The following DGKA variants were observed in gnomAD, a reference collection of about 807,000 sequenced individuals.
DGKA encodes the protein diacylglycerol kinase alpha.
DGKA carries 35 observed loss-of-function variants against 105.0 expected under a neutral mutation model. That is an observed-to-expected ratio of 0.33 (90% CI 0.25 to 0.44). DGKA has a LOEUF of 0.44. DGKA is among the 20% of genes least tolerant of loss of function. The pLI is 1.00. For missense variants in DGKA, 665 were observed against 915.0 expected (o/e 0.73, Z 3.53); for synonymous variants, 296 against 332.0 (o/e 0.89, Z 1.18).
At chr12:55,931,476 G>A (rs538083875) in intron 1 of DGKA, 132 bp downstream of exon 1, 1 of 152,438 alleles carries the variant, frequency 6.6e-6, no homozygotes, top group Non-Finnish European at 1.5e-5. Context: ...AGGTCTAAAA[G>A]GAAAGAGGAA....
rs1322187594 is a variant in DGKA, at chr12:55,932,921, T to G, written c.-82+1577T>G. 1 of 243,712 alleles carries G rather than the reference T, an allele frequency of 4.1e-6. No homozygotes were observed. Among genetic ancestry groups the G allele is most frequent in the Non-Finnish European group, 8.0e-6 (1 of 125,316 alleles). The allele number at this position is 243,712 out of a possible 1,614,324, so 15.1% of individuals were successfully genotyped here. A position where few individuals can be genotyped will look rare whatever the true frequency, so the allele number is the denominator to read the frequency against. On this transcript the variant is annotated intron_variant, in intron 1 of 23. Coordinates refer to ENST00000331886, the MANE Select transcript of DGKA (RefSeq NM_001345.5). This position sits in a 1 kb window ranked among gnomAD's most constrained non-coding sequence, Gnocchi z 4.3. ...ATTCAGAAGTCCAGGTAATCAGGCCTGGGCCCTCAAATTCGGGGCTCCTGC... is the reference window on the plus strand; with the variant it reads ...ATTCAGAAGTCCAGGTAATCAGGCCGGGGCCCTCAAATTCGGGGCTCCTGC...
rs368762006 is a variant in DGKA, at chr12:55,940,615, G to A, written c.919-9G>A. On this transcript the variant is annotated splice_polypyrimidine_tract_variant and intron_variant, in intron 11 of 23. Coordinates refer to ENST00000331886, the MANE Select transcript of DGKA (RefSeq NM_001345.5). This position sits in a 1 kb window ranked among gnomAD's most constrained non-coding sequence, Gnocchi z 4.3. ...TTCGTGATCTCTCTGTGCCCACCTCGTCTTTCAGATCCACGATGACTGCCT... is the reference window on the plus strand; with the variant it reads ...TTCGTGATCTCTCTGTGCCCACCTCATCTTTCAGATCCACGATGACTGCCT... The A allele has an allele frequency of 7.0e-6, 11 of 1,571,362 alleles. No individual in the cohort carries two copies. The African/African-American group carries it at 1.1e-4, about 16-fold the overall frequency.
Position 55,937,083 on chromosome 12 carries a change from A to T in DGKA, c.131A>T (p.Gln44Leu). The change falls in exon 3 of 24, where the codon CAA becomes CTA. Residue 44 changes from glutamine (Q) to leucine (L), a missense_variant. Physicochemically the swap from Gln to Leu is moderately radical, Grantham distance 113 (BLOSUM62 -2). This residue lies in a region of DGKA where 504 missense variants were observed against 681.2 expected (regional missense o/e 0.74). Coordinates refer to ENST00000331886, the MANE Select transcript of DGKA (RefSeq NM_001345.5). ...FEDGEMAKYVQGDAIGYEGFQ... is the reference protein window; with the variant it reads ...FEDGEMAKYVLGDAIGYEGFQ... Reference sequence around the variant, plus strand: ...GATGGCGAGATGGCTAAATATGTCCAAGGAGATGTGAGTGGCAGCTGGGAA... The same window carrying T: ...GATGGCGAGATGGCTAAATATGTCCTAGGAGATGTGAGTGGCAGCTGGGAA... 1.2e-6 allele frequency: 2 copies of T among 1,614,134 alleles called. No individual in the cohort carries two copies. The highest frequency in any genetic ancestry group is 1.7e-6 in the Non-Finnish European group (2 of 1,180,008).
chr12:55,937,507 A>G lies in DGKA; in HGVS notation c.238A>G (p.Thr80Ala). 6.2e-7 allele frequency: 1 copy of G among 1,614,180 alleles called. No homozygotes were observed. The highest frequency in any genetic ancestry group is 8.5e-7 in the Non-Finnish European group (1 of 1,180,036). Residue 80 changes from threonine (T) to alanine (A), a missense_variant, in exon 4 of 24, where the codon ACT becomes GCT. Thr to Ala is a moderately conservative substitution (Grantham distance 58). Coordinates refer to ENST00000331886, the MANE Select transcript of DGKA (RefSeq NM_001345.5). ...LSLALFQSFE[T>A]GHCLNETNVT... ...CCTGGCACTGTTTCAATCCTTTGAG[A>G]CTGGTCACTGCTTAAATGAGACAAA...
Position 55,939,427 on chromosome 12 carries a change from G to A in DGKA, c.607G>A (p.Asp203Asn), listed in dbSNP as rs886771397. Residue 203 changes from aspartate to asparagine, a missense_variant, in exon 9 of 24, where the codon GAC becomes AAC. Asp to Asn is a conservative substitution (Grantham distance 23). This residue lies in a region of DGKA where 504 missense variants were observed against 681.2 expected (regional missense o/e 0.74). Transcript: ENST00000331886. ...TGTGCCTTCCTAGACTCTGAAGGAC[G>A]ACGGACAGCACATGTGGAGGCCCAA... is the stretch of plus-strand genomic sequence containing the variant. ...LLGLEMTLKD[D>N]GQHMWRPKRF... 8 of 1,614,184 alleles carry A rather than the reference G, an allele frequency of 5.0e-6. No individual in the cohort carries two copies. Among genetic ancestry groups the A allele is most frequent in the Admixed American group, 1.7e-5 (1 of 60,018 alleles).
At chr12:55,942,479 C>T (rs1161357799) in intron 17 of DGKA, 2 of 521,276 alleles carry the variant, frequency 3.8e-6, no homozygotes, top group Non-Finnish European at 7.0e-6. Flanking sequence ...GTGATAGTCC[C>T]CTTTCCTGTA....
rs1335840102 is a variant in DGKA at position 55,953,840 on chromosome 12, T to C, written c.*72T>C. ...TCCCTGGACTCTACTCCCGAGGCTCTGTACATTGCTGCCACATACTCCTGC... is the reference window on the plus strand; with the variant it reads ...TCCCTGGACTCTACTCCCGAGGCTCCGTACATTGCTGCCACATACTCCTGC... On this transcript the variant is annotated 3_prime_UTR_variant, in exon 24 of 24. Coordinates refer to ENST00000331886, the MANE Select transcript of DGKA (RefSeq NM_001345.5). 2.2e-6 allele frequency: 3 copies of C among 1,351,608 alleles called. No homozygotes were observed. The highest frequency in any genetic ancestry group is 3.2e-6 in the Non-Finnish European group (3 of 950,140). 83.7% of individuals were successfully genotyped at this position (1,351,608 alleles called of 1,614,324 possible). A position where few individuals can be genotyped will look rare whatever the true frequency, so the allele number is the denominator to read the frequency against.
At chr12:55,927,522 G>A (rs1014645139), upstream of DGKA, 4 of 697,766 alleles carry the variant, frequency 5.7e-6, no homozygotes, top group Non-Finnish European at 9.7e-6. Flanking sequence ...CCAGATCTCA[G>A]AGCGGCTTGG....
At chr12:55,933,374 G>T (rs1445855538) in intron 1 of DGKA, 3 of 152,166 alleles carry the variant, frequency 2.0e-5, no homozygotes, top group Non-Finnish European at 4.4e-5. Flanking sequence ...GGAAGGGAAG[G>T]GTGAGTCACA....
upstream of DGKA, chr12:55,927,718 C>A: frequency 6.5e-7 from 1 of 1,539,712 alleles, no homozygotes; most frequent in Non-Finnish European, 8.7e-7. Flanking sequence ...CGCCGCGGGT[C>A]GGTCACCTGT....
chr12:55,936,398 T>G, intron 1 of DGKA, 25 bp from the exon 2 acceptor site: 1 of 1,501,770 alleles, frequency 6.7e-7, no homozygotes, highest in Admixed American at 2.3e-5. Flanking sequence ...CTCTTCCCAC[T>G]GTACGCTCTG....
chr12:55,934,747 C>T (rs77214884), intron 1 of DGKA, among the ~76,000 whole-genome samples: 2,478 of 152,334 alleles, frequency 0.016, 76 homozygotes, highest in African/African-American at 0.056. Flanking sequence ...TTTCCTCTGA[C>T]TGTCAGGTGG....
Position 55,952,338 on chromosome 12 carries a change from C to T in DGKA, c.1653-3C>T. ...ACTGGGCCTTGTGTTGGGGCTGACACAGAATGAAGAACAAGCTATGGTACT... is the reference window on the plus strand; with the variant it reads ...ACTGGGCCTTGTGTTGGGGCTGACATAGAATGAAGAACAAGCTATGGTACT... On this transcript the variant is annotated splice_polypyrimidine_tract_variant and splice_region_variant and intron_variant, in intron 19 of 23. Transcript: ENST00000331886. The surrounding 1 kb of genome is among the most constrained non-coding windows in gnomAD (Gnocchi z 5.1). 6.2e-7 allele frequency: 1 copy of T among 1,614,090 alleles called. No individual in the cohort carries two copies.
At chr12:55,948,081 A>G in intron 17 of DGKA, among the ~76,000 whole-genome samples, 1 of 150,574 alleles carries the variant, frequency 6.6e-6, no homozygotes, top group East Asian at 2.0e-4. Flanking sequence ...GTGAGCCACC[A>G]TACCCAGCCG....
chr12:55,935,998 G>T (rs115323087), intron 1 of DGKA: 1 of 989,226 alleles, frequency 1.0e-6, no homozygotes, highest in East Asian at 1.1e-4. Flanking sequence ...CGGAACTGCC[G>T]AAGACCCGAG....
In DGKA at chr12:55,941,567, G is replaced by T. The variant is rs1311513947; in HGVS notation, c.1233G>T (p.Lys411Asn). Residue 411 changes from lysine (K) to asparagine (N), a missense_variant, in exon 15 of 24, where the codon AAG becomes AAT. Lys to Asn is a moderately conservative substitution (Grantham distance 94). Around this residue, in one of 3 missense-constraint regions of DGKA, gnomAD observed 504 missense variants for 681.2 expected, o/e 0.74. Coordinates refer to ENST00000331886, the MANE Select transcript of DGKA (RefSeq NM_001345.5). ...CTCGACAGGTGTTCAACCTCCTAAA[G>T]GATGGTCCTGAGATAGGGTGAGCAC... ...LNPRQVFNLL[K>N]DGPEIGLRLF... The T allele has an allele frequency of 6.2e-7, 1 of 1,614,142 alleles. No individual in the cohort carries two copies. The highest frequency in any genetic ancestry group is 1.6e-4 in the Middle Eastern group (1 of 6,062).
chr12:55,940,511 C>A lies in DGKA; in HGVS notation c.918+78C>A. On this transcript the variant is annotated intron_variant, in intron 11 of 23. Transcript: ENST00000331886. This position sits in a 1 kb window ranked among gnomAD's most constrained non-coding sequence, Gnocchi z 4.3. ...TCTCCACGGGCCTCCGGCCACACCT[C>A]CTTTACAGGCACAGTTGCCCCTGCT... 1.3e-6 allele frequency: 2 copies of A among 1,588,614 alleles called. No homozygotes were observed. The highest frequency in any genetic ancestry group is 4.5e-5 in the East Asian group (2 of 44,666).
At chr12:55,942,308 G>T (rs765087214) in intron 17 of DGKA, 45 bp downstream of exon 17, 74 of 1,587,148 alleles carry the variant, frequency 4.7e-5, no homozygotes, top group Non-Finnish European at 5.8e-5. Context: ...GAGGAGTTGT[G>T]TAGGAAGGGA....
chr12:55,946,134 A>G (rs1886938608), intron 17 of DGKA, among the ~76,000 whole-genome samples: 1 of 151,448 alleles, frequency 6.6e-6, no homozygotes. Flanking sequence ...TTTTCCATGT[A>G]AGGTAACATT....
Sources: gnomAD v4.1 joint callset for allele counts (sites outside exome capture counted in the v4.1 genomes callset) on GRCh38, gnomAD v4.1.1 for gene constraint, gnomAD v4.1.1 regional missense constraint, Gnocchi (gnomAD v3.1) non-coding constraint, MANE v1.5 for transcripts, NCBI Gene and HGNC (gene_info 2026-07-23, HGNC 2026-07-21) for gene names.